The following KIAA0825 variants were observed in gnomAD, a reference collection of about 807,000 sequenced individuals.
KIAA0825 encodes the protein KIAA0825.
In KIAA0825, 119 loss-of-function variants were observed where a neutral mutation model predicts 147.6. The ratio of observed to expected loss-of-function variants is 0.81; its 90% CI spans 0.69 to 0.94. The LOEUF is 0.94. Ranked by LOEUF, KIAA0825 falls within the 40% of genes least tolerant of loss-of-function variation. The probability of loss-of-function intolerance (pLI) is 0.00; values close to 1 mark genes in which losing one functional copy is unlikely to be tolerated. For synonymous variants in KIAA0825, 470 were observed against 518.1 expected (o/e 0.91, Z 1.26); for missense variants, 1,381 against 1,472.7 (o/e 0.94, Z 1.02).
At chr5:94,549,677 C>A (rs75651518) in intron 2 of KIAA0825, among the ~76,000 whole-genome samples, 1 of 152,102 alleles carries the variant, frequency 6.6e-6, no homozygotes, top group African/African-American at 2.4e-5. Flanking sequence ...TGAGCTACTG[C>A]ACTTCAGCCA....
chr5:94,330,702 A>C (rs923740168), intron 20 of KIAA0825, among the ~76,000 whole-genome samples: 1 of 144,188 alleles, frequency 6.9e-6, no homozygotes, highest in African/African-American at 2.4e-5. Flanking sequence ...AAACCAATAA[A>C]ACTAAAAACA....
chr5:94,284,747 T>C (rs1389771533), intron 20 of KIAA0825, among the ~76,000 whole-genome samples: 1 of 152,144 alleles, frequency 6.6e-6, no homozygotes, highest in Non-Finnish European at 1.5e-5. Context: ...CAATAATGGC[T>C]CCCACTCTGA....
chr5:94,378,922 A>C (rs2150499076), intron 20 of KIAA0825, among the ~76,000 whole-genome samples: 2 of 152,022 alleles, frequency 1.3e-5, no homozygotes, highest in Middle Eastern at 3.4e-3. Flanking sequence ...GTGTCTGTTT[A>C]TGTCATTTGC....
At position 94,353,305 on chromosome 5, in the gene KIAA0825, T is replaced by G. The variant is rs186680924; in HGVS notation, c.3710+31063A>C. Among the ~76,000 whole-genome samples, 34 of 152,324 alleles carry G rather than the reference T, an allele frequency of 2.2e-4. No individual in the cohort carries two copies. In the South Asian group the frequency reaches 3.7e-3, roughly 17 times the overall value. ...GAAGTCTTCAATTTTCTACATACCATTTACAGAGGTTTTACTGGGTATCAT... is the reference window on the plus strand; with the variant it reads ...GAAGTCTTCAATTTTCTACATACCAGTTACAGAGGTTTTACTGGGTATCAT... On this transcript the variant is annotated intron_variant, in intron 20 of 20. Coordinates refer to ENST00000682413, the MANE Select transcript of KIAA0825 (RefSeq NM_001145678.3).
chr5:94,294,499 G>A (rs1778046356), intron 20 of KIAA0825, among the ~76,000 whole-genome samples: 1 of 152,198 alleles, frequency 6.6e-6, no homozygotes, highest in South Asian at 2.1e-4. Flanking sequence ...AGGCCAAGGT[G>A]GGTGGATCAC....
At chr5:94,383,481 G>T (rs1748707021) in intron 20 of KIAA0825, among the ~76,000 whole-genome samples, 2 of 151,964 alleles carry the variant, frequency 1.3e-5, no homozygotes, top group East Asian at 3.8e-4. Flanking sequence ...TTTGCAAAAA[G>T]ATATGGAAAT....
At chr5:94,615,625 C>T (rs1790240852) in intron 1 of KIAA0825, 1 of 152,216 alleles carries the variant, frequency 6.6e-6, no homozygotes, top group South Asian at 2.1e-4. Context: ...ATTCTCTCAT[C>T]TCCTGTCTCA....
At chr5:94,277,977 C>G (rs1328676678) in intron 20 of KIAA0825, among the ~76,000 whole-genome samples, 3 of 152,236 alleles carry the variant, frequency 2.0e-5, no homozygotes, top group Non-Finnish European at 4.4e-5. Context: ...ATGGATGAAG[C>G]TGGAAACCAT....
At chr5:94,598,706 T>G (rs1164920055) in intron 1 of KIAA0825, among the ~76,000 whole-genome samples, 1 of 152,104 alleles carries the variant, frequency 6.6e-6, no homozygotes, top group African/African-American at 2.4e-5. Context: ...CAAACACAAG[T>G]AATGCATTAC....
At chr5:94,593,451 C>A in intron 1 of KIAA0825, 1 of 707,074 alleles carries the variant, frequency 1.4e-6, no homozygotes, top group South Asian at 1.6e-5. Flanking sequence ...CTTCTGAGGT[C>A]AACGTTGCAA....
At chr5:94,614,916 A>G (rs903291093) in intron 1 of KIAA0825, among the ~76,000 whole-genome samples, 5 of 152,176 alleles carry the variant, frequency 3.3e-5, no homozygotes, top group Non-Finnish European at 7.4e-5. Flanking sequence ...AAGAATCAAT[A>G]TTTATTTATC....
At chr5:94,205,299 A>ATATATATATATATTTTTT (rs1254935243) in intron 20 of KIAA0825, among the ~76,000 whole-genome samples, 1 of 137,912 alleles carries the variant, frequency 7.3e-6, no homozygotes, top group African/African-American at 2.8e-5. Context: ...ATATATATAT[A>ATATATATATATATTTTTT]TTTTGTTTTG....
At chr5:94,435,287 AC>A (rs1451020103) in intron 14 of KIAA0825, among the ~76,000 whole-genome samples, 3 of 70,054 alleles carry the variant, frequency 4.3e-5, no homozygotes, top group Non-Finnish European at 5.3e-5. Context: ...CCCTCCTCCC[AC>A]CCCCCACCCT....
At chr5:94,396,863 C>T (rs914425959) in intron 16 of KIAA0825, among the ~76,000 whole-genome samples, 12 of 152,024 alleles carry the variant, frequency 7.9e-5, no homozygotes, top group Non-Finnish European at 1.3e-4. Context: ...CTGACTCCCC[C>T]TTAAGCCCTT....
Position 94,297,158 on chromosome 5 carries a change from A to G in KIAA0825, c.3710+87210T>C, listed in dbSNP as rs144294985. On this transcript the variant is annotated intron_variant, in intron 20 of 20. Transcript: ENST00000682413. The stretch of plus-strand genomic sequence containing the variant: ...CCCAGGCACATGGAAACTCGGCTGC[A>G]TGTGATCATATCAAGACCAAGTTCC... 9.8e-5 allele frequency among the ~76,000 whole-genome samples: 15 copies of G among 152,320 alleles called. No individual in the cohort carries two copies. In the East Asian group the frequency reaches 2.7e-3, roughly 27 times the overall value.
chr5:94,164,985 G>A (rs1767905829), intron 20 of KIAA0825, among the ~76,000 whole-genome samples: 2 of 152,076 alleles, frequency 1.3e-5, no homozygotes, highest in South Asian at 4.1e-4. Context: ...ACAAGCACAG[G>A]CAACCAAAGC....
chr5:94,539,087 C>T (rs1174727138), intron 2 of KIAA0825, among the ~76,000 whole-genome samples: 1 of 152,194 alleles, frequency 6.6e-6, no homozygotes, highest in Non-Finnish European at 1.5e-5. Context: ...GATAAAACAG[C>T]TTGCAATAAA....
intron 2 of KIAA0825, among the ~76,000 whole-genome samples, chr5:94,580,875 CAAAAAAAAAAAAAAAAAAAAAAAAAA>C (rs869206314): frequency 5.4e-3 from 19 of 3,496 alleles, no homozygotes; most frequent in South Asian, 0.022. Flanking sequence ...GACTCCGTCT[CAAAAAAAAAAAAAAAAAAAAAAAAAA>C]AAAAAAAAAA....
At chr5:94,412,022 T>C (rs1278410583) in intron 15 of KIAA0825, among the ~76,000 whole-genome samples, 1 of 150,128 alleles carries the variant, frequency 6.7e-6, no homozygotes, top group East Asian at 2.0e-4. Flanking sequence ...GTTAAGAAAA[T>C]GAAAAAGTAA....
Sources: allele counts gnomAD v4.1 joint callset (sites outside exome capture counted in the v4.1 genomes callset), GRCh38; gene constraint gnomAD v4.1.1; transcripts MANE v1.5; gene names NCBI Gene and HGNC (gene_info 2026-07-23, HGNC 2026-07-21).